Variants in CHD2 observed in about 807,000 individuals in gnomAD.
The protein encoded by CHD2 is chromodomain helicase DNA binding protein 2, also known as ATP-dependent chromatin remodeler CHD2.
CHD2 carries 28 observed loss-of-function variants against 243.9 expected under a neutral mutation model. The observed-to-expected ratio is 0.11, with a 90% CI of 0.09 to 0.16. The LOEUF is 0.16. CHD2 is among the 10% of genes least tolerant of loss of function. The pLI is 1.00. For missense variants in CHD2, 1,386 were observed against 2,209.8 expected, an observed-to-expected ratio of 0.63 and a Z score of 7.47; for synonymous variants, 775 against 779.0, an observed-to-expected ratio of 0.99 and a Z score of 0.09.
chr15:93,020,595 G>A, intron 38 of CHD2: 5 of 510,692 alleles, frequency 9.8e-6, no homozygotes, highest in African/African-American at 1.9e-5. Context: ...ATCCCGAGAT[G>A]GGTACCAGCC....
chr15:92,948,012 T>G (rs952293285), intron 12 of CHD2, among the ~76,000 whole-genome samples: 7 of 152,234 alleles, frequency 4.6e-5, no homozygotes, highest in African/African-American at 1.7e-4. Context: ...TTTCAGACTT[T>G]GAAAAGTCAT....
intron 2 of CHD2, among the ~76,000 whole-genome samples, chr15:92,919,908 A>G (rs2052922134): frequency 6.6e-6 from 1 of 152,232 alleles, no homozygotes. Context: ...TGTCACTAGT[A>G]TCATTCCCTG....
At chr15:92,933,559 G>A (rs531388589) in intron 5 of CHD2, among the ~76,000 whole-genome samples, 12 of 152,090 alleles carry the variant, frequency 7.9e-5, no homozygotes, top group African/African-American at 2.4e-4. Flanking sequence ...TCCAAATTGC[G>A]CAGTGTTGTA....
intron 9 of CHD2, 31 bp from the exon 10 acceptor site, chr15:92,944,384 T>C (rs371290856): frequency 5.4e-6 from 7 of 1,284,518 alleles, no homozygotes; most frequent in Non-Finnish European, 5.6e-6. Flanking sequence ...CTTTAGTTTA[T>C]GTGTACTTTT....
chr15:93,002,401 G>A lies in CHD2; in HGVS notation c.4278+84G>A, dbSNP rs1220311065. On this transcript the variant is annotated intron_variant, in intron 33 of 38. Transcript: ENST00000394196. ...TTTAGAAGTAGAATGAGATTTGAGG[G>A]CCCTGGAATAATTGTCTTTTTATGG... 1.9e-6 allele frequency: 3 copies of A among 1,539,914 alleles called. No homozygotes were observed. In the African/African-American group the frequency reaches 4.3e-5, roughly 22 times the overall value.
chr15:92,916,548 A>T (rs2141727201), intron 2 of CHD2, among the ~76,000 whole-genome samples: 2 of 152,230 alleles, frequency 1.3e-5, no homozygotes, highest in Middle Eastern at 6.8e-3. Context: ...GAATTACAGG[A>T]TTCATACACT....
At position 92,997,488 on chromosome 15, in the gene CHD2, G is replaced by A. The variant is rs989744158; in HGVS notation, c.3885+85G>A. 53 of 1,244,594 alleles carry A rather than the reference G, an allele frequency of 4.3e-5. No homozygotes were observed. Among genetic ancestry groups the A allele is most frequent in the Non-Finnish European group, 5.6e-5 (52 of 923,322 alleles). The allele number at this position is 1,244,594 out of a possible 1,614,324, so 77.1% of individuals were successfully genotyped here. ...CGATTACTTATTTCTAACTATTTTC[G>A]AGGGGGCATCAAATTAGAAATTAGT... is the stretch of plus-strand genomic sequence containing the variant. On this transcript the variant is annotated intron_variant, in intron 30 of 38. Transcript: ENST00000394196. The surrounding 1 kb of genome is among the most constrained non-coding windows in gnomAD (Gnocchi z 4.1).
chr15:92,944,735 AG>A, intron 10 of CHD2: 1 of 275,234 alleles, frequency 3.6e-6, no homozygotes. Context: ...CTAAACATGT[AG>A]AAGTTTAGAG....
At chr15:92,909,695 C>T (rs1419613519) in intron 2 of CHD2, among the ~76,000 whole-genome samples, 8 of 152,116 alleles carry the variant, frequency 5.3e-5, no homozygotes, top group Non-Finnish European at 8.8e-5. Flanking sequence ...TGTACCACCC[C>T]ACCTGTCTAA....
chr15:92,987,319 C>A (rs187601852), intron 26 of CHD2, among the ~76,000 whole-genome samples: 344 of 152,052 alleles, frequency 2.3e-3, no homozygotes, highest in Non-Finnish European at 4.2e-3. Context: ...GGTATTTGGC[C>A]AGGCATGGTG....
intron 26 of CHD2, 115 bp from the exon 27 acceptor site, chr15:92,991,361 C>A: frequency 1.6e-6 from 1 of 622,214 alleles, no homozygotes; most frequent in Non-Finnish European, 2.7e-6. Flanking sequence ...AGGATTGAGT[C>A]CACTCTATTT....
chr15:92,941,222 G>A (rs1427057056), intron 7 of CHD2, among the ~76,000 whole-genome samples: 1 of 151,400 alleles, frequency 6.6e-6, no homozygotes, highest in Non-Finnish European at 1.5e-5. Context: ...TCTAACTCCT[G>A]ACCTCGTGAT....
At chr15:92,950,013 A>G (rs934243537) in intron 13 of CHD2, among the ~76,000 whole-genome samples, 6 of 152,222 alleles carry the variant, frequency 3.9e-5, no homozygotes, top group African/African-American at 1.4e-4. Flanking sequence ...CGCGCAGTGG[A>G]AAACAAAGGA....
chr15:93,000,821 A>T (rs189890759), intron 32 of CHD2, among the ~76,000 whole-genome samples, 181 bp downstream of exon 32: 14 of 152,302 alleles, frequency 9.2e-5, no homozygotes, highest in Admixed American at 9.2e-4. Context: ...GCAAATTTGT[A>T]CATAATGGAA....
At chr15:93,004,500 A>C (rs1392804341) in intron 33 of CHD2, 117 bp from the exon 34 acceptor site, 2 of 1,003,070 alleles carry the variant, frequency 2.0e-6, no homozygotes, top group Admixed American at 5.6e-5. Flanking sequence ...ACTTTTTAAA[A>C]AATAAACTGA....
intron 13 of CHD2, 120 bp from the exon 14 acceptor site, chr15:92,953,237 T>G: frequency 1.4e-6 from 1 of 724,102 alleles, no homozygotes; most frequent in South Asian, 1.8e-5. Flanking sequence ...ATTTGAGGCT[T>G]ATGAATGACA....
At chr15:92,901,708 A>G (rs2052531025) in intron 2 of CHD2, 1 of 325,300 alleles carries the variant, frequency 3.1e-6, no homozygotes, top group African/African-American at 2.1e-5. Context: ...GGATATCTAA[A>G]CTTGTAACTG....
intron 6 of CHD2, 33 bp downstream of exon 6, chr15:92,937,658 T>G (rs2053288365): frequency 6.7e-7 from 1 of 1,485,184 alleles, no homozygotes; most frequent in Non-Finnish European, 9.3e-7. Context: ...CTACTTGGGA[T>G]GAGCTTAATC....
At chr15:92,958,473 G>C (rs2053644277) in intron 16 of CHD2, among the ~76,000 whole-genome samples, 1 of 152,034 alleles carries the variant, frequency 6.6e-6, no homozygotes, top group Admixed American at 6.6e-5. Flanking sequence ...TAAGCATGTG[G>C]GAATTATTTA....
Sources: gnomAD v4.1 joint callset for allele counts (sites outside exome capture counted in the v4.1 genomes callset) on GRCh38, gnomAD v4.1.1 for gene constraint, Gnocchi (gnomAD v3.1) non-coding constraint, MANE v1.5 for transcripts, NCBI Gene and HGNC (gene_info 2026-07-23, HGNC 2026-07-21) for gene names.